The following RPTOR variants were observed in gnomAD, a reference collection of about 807,000 sequenced individuals.
RPTOR encodes regulatory-associated protein of mTOR.
In RPTOR, 21 loss-of-function variants were observed where a neutral mutation model predicts 169.9. The ratio of observed to expected loss-of-function variants is 0.12; its 90% CI spans 0.09 to 0.18. The LOEUF (loss-of-function observed/expected upper bound fraction) is 0.18. Ranked by LOEUF, RPTOR falls within the 10% of genes least tolerant of loss-of-function variation. The pLI is 1.00. For synonymous variants in RPTOR, 732 were observed against 753.2 expected, an observed-to-expected ratio of 0.97 and a Z score of 0.46; for missense variants, 1,133 against 1,855.9, an observed-to-expected ratio of 0.61 and a Z score of 7.16.
intron 11 of RPTOR, among the ~76,000 whole-genome samples, chr17:80,850,202 C>A (rs541029893): frequency 1.3e-5 from 2 of 152,276 alleles, no homozygotes; most frequent in East Asian, 3.9e-4. Context: ...ATTTCTCAGC[C>A]CTCAGCCCCT....
chr17:80,918,589 C>G (rs1053080825), intron 21 of RPTOR, among the ~76,000 whole-genome samples: 3 of 152,156 alleles, frequency 2.0e-5, no homozygotes, highest in Admixed American at 6.5e-5. Context: ...GCTCTTGGAG[C>G]CTGGGGCTCC....
rs147115969 is a variant in RPTOR, at chr17:80,885,905, G to A, written c.1983+757G>A. Reference sequence around the variant, plus strand: ...AGATGTAGAAATATCACAGATGATCGTCCAAGGTTTCACACCCTCAGATTC... The same window carrying A: ...AGATGTAGAAATATCACAGATGATCATCCAAGGTTTCACACCCTCAGATTC... On this transcript the variant is annotated intron_variant, in intron 17 of 33. Transcript: ENST00000306801. 1.3e-4 allele frequency among the ~76,000 whole-genome samples: 20 copies of A among 152,342 alleles called. No homozygotes were observed. In the East Asian group the frequency reaches 2.1e-3, roughly 16 times the overall value.
intron 24 of RPTOR, among the ~76,000 whole-genome samples, chr17:80,931,259 G>A (rs190412552): frequency 9.9e-4 from 151 of 152,336 alleles, no homozygotes; most frequent in African/African-American, 3.2e-3. Context: ...TCATCAGAGA[G>A]CTGAGGTGGC....
Position 80,695,308 on chromosome 17 carries a change from C to T in RPTOR, c.349-12533C>T, listed in dbSNP as rs967004928. Among the ~76,000 whole-genome samples the T allele has an allele frequency of 2.6e-5, 4 of 152,182 alleles. No individual in the cohort carries two copies. The highest frequency in any genetic ancestry group is 9.6e-5 in the African/African-American group (4 of 41,456). On this transcript the variant is annotated intron_variant, in intron 3 of 33. Coordinates refer to ENST00000306801, the MANE Select transcript of RPTOR (RefSeq NM_020761.3). This position sits in a 1 kb window ranked among gnomAD's most constrained non-coding sequence, Gnocchi z 4.9. Reference sequence around the variant, plus strand: ...ACATCAGCCACCCGGGCAGGGCCCGCGTTAGTTTAGTTGTTTGTGGAGGAG... The same window carrying T: ...ACATCAGCCACCCGGGCAGGGCCCGTGTTAGTTTAGTTGTTTGTGGAGGAG...
intron 1 of RPTOR, among the ~76,000 whole-genome samples, chr17:80,569,101 G>T (rs559125714): frequency 1.5e-3 from 223 of 151,984 alleles, no homozygotes; most frequent in African/African-American, 4.7e-3. Flanking sequence ...TTGTAATATT[G>T]TTTTAAAAAT....
chr17:80,764,117 G>GTTATTTTATTTTATTTTATT (rs71164002), intron 6 of RPTOR, among the ~76,000 whole-genome samples: 1 of 138,538 alleles, frequency 7.2e-6, no homozygotes, highest in Non-Finnish European at 1.5e-5. Flanking sequence ...GACTTCTTTT[G>GTTATTTTATTTTATTTTATT]TTATTTTATT....
intron 6 of RPTOR, among the ~76,000 whole-genome samples, chr17:80,783,888 A>T (rs547272723): frequency 6.6e-6 from 1 of 152,244 alleles, no homozygotes; most frequent in African/African-American, 2.4e-5. Flanking sequence ...TAAATAGAGT[A>T]AACTTTTCTG....
intron 3 of RPTOR, among the ~76,000 whole-genome samples, chr17:80,694,800 G>T (rs781653602): frequency 3.8e-4 from 58 of 152,216 alleles, no homozygotes; most frequent in Non-Finnish European, 7.5e-4. Flanking sequence ...GCGGTTCCTG[G>T]CTTCACTGCC....
At chr17:80,877,365 A>C (rs575794485) in intron 13 of RPTOR, among the ~76,000 whole-genome samples, 57 of 152,332 alleles carry the variant, frequency 3.7e-4, no homozygotes, top group African/African-American at 1.3e-3. Context: ...CTGAAAATGA[A>C]GGTATGAAAA....
chr17:80,622,655 C>T (rs2065362814), intron 1 of RPTOR, among the ~76,000 whole-genome samples: 1 of 152,174 alleles, frequency 6.6e-6, no homozygotes, highest in Admixed American at 6.5e-5. Context: ...AATCCCAGCA[C>T]TTTGGGAGGC....
At chr17:80,675,611 C>G (rs376266956) in intron 3 of RPTOR, among the ~76,000 whole-genome samples, 1 of 152,314 alleles carries the variant, frequency 6.6e-6, no homozygotes, top group Non-Finnish European at 1.5e-5. Flanking sequence ...CCCCTCAGGC[C>G]GCCCATGACT....
intron 28 of RPTOR, among the ~76,000 whole-genome samples, chr17:80,955,212 G>A (rs2069233046): frequency 6.6e-6 from 1 of 152,238 alleles, no homozygotes; most frequent in Non-Finnish European, 1.5e-5. Flanking sequence ...TATTGAAGAG[G>A]CGCAGACGGC....
chr17:80,772,505 G>T (rs1216623631), intron 6 of RPTOR, among the ~76,000 whole-genome samples: 20 of 123,850 alleles, frequency 1.6e-4, no homozygotes, highest in Non-Finnish European at 2.8e-4. Flanking sequence ...CCCTCCACAT[G>T]CCCTGTTCCC....
intron 11 of RPTOR, among the ~76,000 whole-genome samples, chr17:80,850,671 T>C (rs1046273642): frequency 3.9e-5 from 6 of 152,234 alleles, no homozygotes; most frequent in Admixed American, 2.6e-4. Flanking sequence ...TCTCTCTCCG[T>C]GCATCATTTT....
intron 3 of RPTOR, among the ~76,000 whole-genome samples, chr17:80,692,016 G>A (rs944402354): frequency 1.3e-5 from 2 of 152,218 alleles, no homozygotes; most frequent in African/African-American, 4.8e-5. Context: ...TGCCACTGAC[G>A]CGGTTACTGA....
At position 80,966,013 on chromosome 17, in the gene RPTOR, T is replaced by C. The variant is rs2069424290; in HGVS notation, c.*1683T>C. ...CCCAGCTCCACCCGCACACGCAGCT[T>C]CCCATCCAGTCCTTCAACTCAATTC... On this transcript the variant is annotated 3_prime_UTR_variant, in exon 34 of 34. Transcript: ENST00000306801. 3 of 233,180 alleles carry C rather than the reference T, an allele frequency of 1.3e-5. No homozygotes were observed. The South Asian group carries it at 5.4e-4, about 42-fold the overall frequency. 14.4% of individuals were successfully genotyped at this position (233,180 alleles called of 1,614,324 possible).
intron 3 of RPTOR, among the ~76,000 whole-genome samples, chr17:80,699,405 C>G (rs1470656294): frequency 6.9e-6 from 1 of 144,706 alleles, no homozygotes; most frequent in Non-Finnish European, 1.5e-5. Context: ...TGATGGGGAG[C>G]TAGAGGTGCT....
At position 80,936,064 on chromosome 17, in the gene RPTOR, A is replaced by G. The variant is rs1598410709; in HGVS notation, c.2920-4432A>G. ...TGGCGAAAGATTTTACAGACACCCCACCAAAGAAGATATACAGGTGGCAAA... is the reference window on the plus strand; with the variant it reads ...TGGCGAAAGATTTTACAGACACCCCGCCAAAGAAGATATACAGGTGGCAAA... On this transcript the variant is annotated intron_variant, in intron 24 of 33. Transcript: ENST00000306801. The surrounding 1 kb of genome is among the most constrained non-coding windows in gnomAD (Gnocchi z 4.1). Among the ~76,000 whole-genome samples the G allele has an allele frequency of 6.6e-6, 1 of 152,332 alleles. No individual in the cohort carries two copies. The highest frequency in any genetic ancestry group is 1.9e-4 in the East Asian group (1 of 5,188).
At chr17:80,896,379 G>A (rs111792902) in intron 20 of RPTOR, among the ~76,000 whole-genome samples, 45,985 of 92,562 alleles carry the variant, frequency 0.5, 15,619 homozygotes, top group Non-Finnish European at 0.56. Flanking sequence ...GACACCCCAC[G>A]CGGCCTCGCT....
Sources: allele counts gnomAD v4.1 joint callset (sites outside exome capture counted in the v4.1 genomes callset), GRCh38; gene constraint gnomAD v4.1.1; non-coding constraint Gnocchi (gnomAD v3.1); transcripts MANE v1.5; gene names NCBI Gene and HGNC (gene_info 2026-07-23, HGNC 2026-07-21).